MSRB3: variants seen among roughly 807,000 people sequenced by gnomAD.
The protein encoded by MSRB3 is methionine-R-sulfoxide reductase B3.
In MSRB3, 13 loss-of-function variants were observed where a neutral mutation model predicts 21.0. The observed-to-expected ratio is 0.62, with a 90% CI of 0.40 to 0.98. The LOEUF (loss-of-function observed/expected upper bound fraction) is 0.98, where lower values mean the gene tolerates loss of function less well. Among genes scored for constraint, MSRB3 ranks in the 50% least tolerant of loss-of-function variants. The pLI is 0.00. For synonymous variants in MSRB3, 87 were observed against 88.6 expected, an observed-to-expected ratio of 0.98 and a Z score of 0.10; for missense variants, 199 against 230.3, an observed-to-expected ratio of 0.86 and a Z score of 0.88.
At chr12:65,398,475 T>C (rs528336380) in intron 5 of MSRB3, among the ~76,000 whole-genome samples, 40 of 152,298 alleles carry the variant, frequency 2.6e-4, no homozygotes, top group African/African-American at 9.6e-4. Context: ...TCTTGTAAAT[T>C]TGTTTAAGCT....
At chr12:65,447,960 C>G (rs1318402994) in intron 5 of MSRB3, among the ~76,000 whole-genome samples, 4 of 152,122 alleles carry the variant, frequency 2.6e-5, no homozygotes, top group African/African-American at 9.7e-5. Context: ...GTGTGGCATG[C>G]CTTTTAACAA....
chr12:65,375,968 C>CT (rs1187056977), intron 5 of MSRB3, among the ~76,000 whole-genome samples: 1 of 150,754 alleles, frequency 6.6e-6, no homozygotes, highest in Non-Finnish European at 1.5e-5. Context: ...ATTTTTGTGG[C>CT]TTTTTTGTTG....
At position 65,465,692 on chromosome 12, in the gene MSRB3, G is replaced by A. The variant is rs955402079; in HGVS notation, c.*2370G>A. On this transcript the variant is annotated 3_prime_UTR_variant, in exon 7 of 7. Transcript: ENST00000308259. ...ATCCAGATGTTCCCTCAGGTTCCAA[G>A]ACATTTCACCCCAGGCCCTGGGTTC... is the stretch of plus-strand genomic sequence containing the variant. The A allele has an allele frequency of 6.6e-6, 1 of 152,124 alleles. No individual in the cohort carries two copies. Among genetic ancestry groups the A allele is most frequent in the Non-Finnish European group, 1.5e-5 (1 of 68,054 alleles). 9.4% of individuals were successfully genotyped at this position (152,124 alleles called of 1,614,324 possible).
intron 1 of MSRB3, among the ~76,000 whole-genome samples, chr12:65,297,718 A>C (rs886604710): frequency 6.6e-6 from 1 of 152,144 alleles, no homozygotes; most frequent in African/African-American, 2.4e-5. Flanking sequence ...GGTTCTAATG[A>C]GCCATAGAAG....
At chr12:65,453,071 C>T (rs992008213) in intron 5 of MSRB3, among the ~76,000 whole-genome samples, 26 of 152,260 alleles carry the variant, frequency 1.7e-4, no homozygotes, top group African/African-American at 5.8e-4. Flanking sequence ...AAACTTTGAA[C>T]TAGATGCTCT....
In MSRB3 at chr12:65,380,779, G is replaced by T. The variant is rs1878898626; in HGVS notation, c.292+11753G>T. ...AATAGACCAAAGCACAGGAAGTTTAGATATTTGCCCAAGGTCACATAGCTA... is the reference window on the plus strand; with the variant it reads ...AATAGACCAAAGCACAGGAAGTTTATATATTTGCCCAAGGTCACATAGCTA... On this transcript the variant is annotated intron_variant, in intron 5 of 6. Transcript: ENST00000308259. Among the ~76,000 whole-genome samples the T allele has an allele frequency of 2.0e-5, 3 of 152,268 alleles. No homozygotes were observed. In the South Asian group the frequency reaches 6.2e-4, roughly 32 times the overall value.
At chr12:65,319,829 A>C (rs527620211) in intron 2 of MSRB3, among the ~76,000 whole-genome samples, 3 of 152,188 alleles carry the variant, frequency 2.0e-5, no homozygotes, top group South Asian at 4.1e-4. Flanking sequence ...TTTAAGTAGT[A>C]CCTTGCAGAG....
At chr12:65,461,840 T>C (rs955477247) in intron 6 of MSRB3, among the ~76,000 whole-genome samples, 2 of 152,224 alleles carry the variant, frequency 1.3e-5, no homozygotes, top group South Asian at 4.1e-4. Context: ...CTCTTCCCTC[T>C]TCTCGAAATG....
At chr12:65,397,404 A>G (rs912852249) in intron 5 of MSRB3, among the ~76,000 whole-genome samples, 1 of 152,150 alleles carries the variant, frequency 6.6e-6, no homozygotes, top group South Asian at 2.1e-4. Flanking sequence ...GCAAACTTGC[A>G]TTGCTACTTG....
At chr12:65,339,368 G>C (rs1875992717) in intron 4 of MSRB3, among the ~76,000 whole-genome samples, 1 of 152,180 alleles carries the variant, frequency 6.6e-6, no homozygotes, top group Admixed American at 6.5e-5. Flanking sequence ...GTCTCTTGTT[G>C]AGAACAGCTG....
chr12:65,390,724 T>A (rs192479161), intron 5 of MSRB3, among the ~76,000 whole-genome samples: 1 of 152,238 alleles, frequency 6.6e-6, no homozygotes, highest in Admixed American at 6.5e-5. Flanking sequence ...AGCCTAAATG[T>A]CCAATAACAG....
chr12:65,334,700 T>A (rs1167509592), intron 4 of MSRB3, among the ~76,000 whole-genome samples: 2 of 152,186 alleles, frequency 1.3e-5, no homozygotes, highest in African/African-American at 4.8e-5. Context: ...GGCAGGTTAT[T>A]ATCTGTCCTT....
At chr12:65,312,696 A>T (rs942026739) in intron 2 of MSRB3, among the ~76,000 whole-genome samples, 4 of 152,054 alleles carry the variant, frequency 2.6e-5, no homozygotes, top group African/African-American at 9.7e-5. Context: ...AGTCTTAGAG[A>T]TATTTTGCAA....
intron 5 of MSRB3, among the ~76,000 whole-genome samples, chr12:65,424,987 A>ATATATATC (rs1242894274): frequency 0.02 from 2 of 98 alleles, no homozygotes; most frequent in African/African-American, 0.038. Context: ...ATATATATAT[A>ATATATATC]TATCTCAATA....
At chr12:65,360,280 C>G (rs1196486448) in intron 4 of MSRB3, among the ~76,000 whole-genome samples, 1 of 152,096 alleles carries the variant, frequency 6.6e-6, no homozygotes, top group Non-Finnish European at 1.5e-5. Flanking sequence ...AAGGTATACT[C>G]TGTTCTCTTT....
In MSRB3 at chr12:65,351,851, C is replaced by A. The variant is rs182808691; in HGVS notation, c.264-17147C>A. 3.3e-3 allele frequency among the ~76,000 whole-genome samples: 509 copies of A among 152,166 alleles called. 1 individual carries two copies. Among genetic ancestry groups the A allele is most frequent in the South Asian group, 9.6e-3 (46 of 4,816 alleles). On this transcript the variant is annotated intron_variant, in intron 4 of 6. Transcript: ENST00000308259. ...TTACCAACCAAAAAGAGTCCAGGAC[C>A]ACATGGATTCACAGCCGAATTCTAT...
At chr12:65,308,382 G>A in intron 1 of MSRB3, 147 bp from the exon 2 acceptor site, 6 of 1,052,444 alleles carry the variant, frequency 5.7e-6, no homozygotes, top group Non-Finnish European at 8.4e-6. Flanking sequence ...AAGCTCACGG[G>A]CTGAAAAATA....
chr12:65,333,367 T>A (rs1362525432), intron 4 of MSRB3, among the ~76,000 whole-genome samples: 1 of 152,200 alleles, frequency 6.6e-6, no homozygotes, highest in Non-Finnish European at 1.5e-5. Context: ...CAGGCAAGAC[T>A]TCTTGGGGGA....
intron 4 of MSRB3, among the ~76,000 whole-genome samples, chr12:65,362,155 T>C (rs1877746798): frequency 6.6e-6 from 1 of 152,174 alleles, no homozygotes; most frequent in South Asian, 2.1e-4. Context: ...ATAGAAATGA[T>C]ATCAGAGTTG....
Sources: gnomAD v4.1 joint callset for allele counts (sites outside exome capture counted in the v4.1 genomes callset) on GRCh38, gnomAD v4.1.1 for gene constraint, MANE v1.5 for transcripts, NCBI Gene and HGNC (gene_info 2026-07-23, HGNC 2026-07-21) for gene names.